LPIN2: variants seen among roughly 807,000 people sequenced by gnomAD.
LPIN2 encodes the protein phosphatidate phosphatase LPIN2.
In LPIN2, 55 loss-of-function variants were observed where a neutral mutation model predicts 111.4. The ratio of observed to expected loss-of-function variants is 0.49; its 90% CI spans 0.40 to 0.62. LPIN2 has a LOEUF of 0.62. LPIN2 is among the 20% of genes least tolerant of loss of function. The probability of loss-of-function intolerance (pLI) is 0.00; values close to 1 mark genes in which losing one functional copy is unlikely to be tolerated. For synonymous variants in LPIN2, 425 were observed against 414.0 expected (o/e 1.03, Z -0.32); for missense variants, 992 against 1,112.1 (o/e 0.89, Z 1.54).
chr18:2,923,948 A>C, intron 15 of LPIN2, 87 bp from the exon 16 acceptor site: 3 of 1,041,258 alleles, frequency 2.9e-6, no homozygotes, highest in Non-Finnish European at 4.5e-6. Context: ...GCTGCCAATA[A>C]CTAATTGGTG....
intron 4 of LPIN2, among the ~76,000 whole-genome samples, chr18:2,948,667 G>A (rs1199704686): frequency 3.3e-5 from 5 of 152,114 alleles, no homozygotes; most frequent in African/African-American, 9.7e-5. Context: ...TTTCAGGAAC[G>A]AAGCACTTCT....
chr18:2,924,827 T>TG (rs2077106288), intron 14 of LPIN2, among the ~76,000 whole-genome samples: 1 of 152,232 alleles, frequency 6.6e-6, no homozygotes. Context: ...AGCCACAGCC[T>TG]GCTCTGGTCC....
intron 16 of LPIN2, 140 bp from the exon 17 acceptor site, chr18:2,922,339 A>C (rs1395304500): frequency 1.1e-6 from 1 of 947,198 alleles, no homozygotes; most frequent in Non-Finnish European, 1.6e-6. Context: ...CTGTGGCGCC[A>C]TCTCGGCTCA....
intron 1 of LPIN2, among the ~76,000 whole-genome samples, chr18:3,012,371 G>A (rs2078618721): frequency 6.6e-6 from 1 of 152,238 alleles, no homozygotes; most frequent in South Asian, 2.1e-4. Flanking sequence ...AATGAAAAGA[G>A]TCTTAAAATG....
At chr18:2,954,689 T>C (rs2077583595) in intron 2 of LPIN2, 90 bp from the exon 3 acceptor site, 2 of 942,780 alleles carry the variant, frequency 2.1e-6, no homozygotes, top group Non-Finnish European at 3.5e-6. Flanking sequence ...AAGTCAAACT[T>C]AGCATAGTTT....
intron 2 of LPIN2, among the ~76,000 whole-genome samples, chr18:2,959,066 A>G (rs900874451): frequency 2.6e-5 from 4 of 151,620 alleles, no homozygotes; most frequent in African/African-American, 9.8e-5. Context: ...GTTACCACAA[A>G]GAAAGAAAAA....
rs368650663 is a variant in LPIN2 at position 2,951,155 on chromosome 18, G to T, written c.490C>A (p.Gln164Lys). 1 of 1,614,118 alleles carries T rather than the reference G, an allele frequency of 6.2e-7. No individual in the cohort carries two copies. Among genetic ancestry groups the T allele is most frequent in the Admixed American group, 1.7e-5 (1 of 60,008 alleles). Residue 164 changes from glutamine to lysine, a missense_variant, in exon 4 of 20, where the codon CAG becomes AAG. This residue lies in a region of LPIN2 where 709 missense variants were observed against 753.2 expected (regional missense o/e 0.94). Coordinates refer to ENST00000677752, the MANE Select transcript of LPIN2 (RefSeq NM_001375808.2). ...GCCTGCTCTTCCTTCTTACTGTCCT[G>T]TTTGTATTTCTTTCTCCTTCGTTTT... ...KKKRRRKKYK[Q>K]DSKKEEQAAS...
At chr18:2,975,959 G>A (rs910222396) in intron 1 of LPIN2, among the ~76,000 whole-genome samples, 5 of 151,860 alleles carry the variant, frequency 3.3e-5, no homozygotes, top group Admixed American at 1.3e-4. Context: ...CAACTCTATC[G>A]GAAGTTTTTT....
intron 1 of LPIN2, among the ~76,000 whole-genome samples, chr18:3,010,123 C>A (rs551639302): frequency 4.6e-5 from 7 of 152,292 alleles, no homozygotes; most frequent in African/African-American, 9.6e-5. Flanking sequence ...TTCATTTGGA[C>A]CCCAGGGTGA....
At chr18:2,974,627 A>T (rs1328068540) in intron 1 of LPIN2, among the ~76,000 whole-genome samples, 1 of 152,210 alleles carries the variant, frequency 6.6e-6, no homozygotes, top group African/African-American at 2.4e-5. Context: ...TTTACTCATT[A>T]TTCTTCCTAA....
At chr18:2,967,988 G>A (rs1297278069) in intron 1 of LPIN2, among the ~76,000 whole-genome samples, 2 of 152,200 alleles carry the variant, frequency 1.3e-5, no homozygotes, top group Non-Finnish European at 2.9e-5. Flanking sequence ...CTGAAGCTAA[G>A]ATGGCCCATG....
At chr18:3,003,836 G>A (rs181644800) in intron 1 of LPIN2, among the ~76,000 whole-genome samples, 59 of 152,320 alleles carry the variant, frequency 3.9e-4, no homozygotes, top group African/African-American at 4.1e-4. Flanking sequence ...GACTGCCTGC[G>A]GGGTCGGGCA....
At chr18:2,989,718 C>T (rs1222776970) in intron 1 of LPIN2, among the ~76,000 whole-genome samples, 3 of 151,992 alleles carry the variant, frequency 2.0e-5, no homozygotes, top group South Asian at 4.1e-4. Flanking sequence ...GTCAGGAGTT[C>T]GAGACCAGCT....
chr18:2,971,573 T>C (rs2077912467), intron 1 of LPIN2, among the ~76,000 whole-genome samples: 2 of 152,098 alleles, frequency 1.3e-5, no homozygotes, highest in Non-Finnish European at 2.9e-5. Flanking sequence ...AGTAGGTTCT[T>C]AATAAGTGGT....
At chr18:2,988,030 A>AAAAG (rs2078212705) in intron 1 of LPIN2, among the ~76,000 whole-genome samples, 1 of 151,046 alleles carries the variant, frequency 6.6e-6, no homozygotes, top group African/African-American at 2.4e-5. Context: ...AAAAAAAAAA[A>AAAAG]AAAAAAAAGA....
chr18:2,932,936 A>G (rs1483094294), intron 8 of LPIN2, among the ~76,000 whole-genome samples: 1 of 152,204 alleles, frequency 6.6e-6, no homozygotes, highest in African/African-American at 2.4e-5. Context: ...TGGTAGGCCA[A>G]CGAGATCAGG....
chr18:2,927,164 G>A (rs900272492), intron 12 of LPIN2, among the ~76,000 whole-genome samples: 7 of 152,212 alleles, frequency 4.6e-5, no homozygotes, highest in East Asian at 3.8e-4. Flanking sequence ...CCTTGCTGAC[G>A]TGGACATGAA....
intron 4 of LPIN2, chr18:2,946,660 T>C (rs548303922): frequency 4.5e-5 from 29 of 642,780 alleles, no homozygotes; most frequent in South Asian, 4.4e-4. Flanking sequence ...AAAAAATCAA[T>C]TGAATGCCAA....
intron 1 of LPIN2, among the ~76,000 whole-genome samples, chr18:2,962,048 G>C (rs2077721676): frequency 6.6e-6 from 1 of 152,210 alleles, no homozygotes; most frequent in Admixed American, 6.5e-5. Context: ...CTGGGAGAAA[G>C]AATGCTGTCT....
Sources: gnomAD v4.1 joint callset for allele counts (sites outside exome capture counted in the v4.1 genomes callset) on GRCh38, gnomAD v4.1.1 for gene constraint, gnomAD v4.1.1 regional missense constraint, MANE v1.5 for transcripts, NCBI Gene and HGNC (gene_info 2026-07-23, HGNC 2026-07-21) for gene names.